Variants in RUNDC3B observed in about 807,000 individuals in gnomAD.
RUNDC3B encodes the protein RUN domain containing 3B.
Under a neutral mutation model 58.4 loss-of-function variants are expected in RUNDC3B, and 33 were observed. The observed-to-expected ratio is 0.56, with a 90% CI of 0.43 to 0.75. RUNDC3B has a LOEUF of 0.75. Among genes scored for constraint, RUNDC3B ranks in the 30% least tolerant of loss-of-function variants. RUNDC3B has a pLI of 0.00. For missense variants in RUNDC3B, 501 were observed against 535.7 expected, an observed-to-expected ratio of 0.94 and a Z score of 0.64; for synonymous variants, 193 against 195.2, an observed-to-expected ratio of 0.99 and a Z score of 0.10.
At chr7:87,757,822 G>A (rs1833456040) in intron 6 of RUNDC3B, among the ~76,000 whole-genome samples, 1 of 152,038 alleles carries the variant, frequency 6.6e-6, no homozygotes, top group South Asian at 2.1e-4. Context: ...CAGACCAATG[G>A]AACAGAATAG....
At chr7:87,796,591 T>C (rs1266299927) in intron 8 of RUNDC3B, among the ~76,000 whole-genome samples, 1 of 152,116 alleles carries the variant, frequency 6.6e-6, no homozygotes, top group Non-Finnish European at 1.5e-5. Flanking sequence ...ATCTACTCTG[T>C]ACCAACAAAA....
At chr7:87,741,198 C>G (rs778368905) in intron 5 of RUNDC3B, among the ~76,000 whole-genome samples, 13 of 150,776 alleles carry the variant, frequency 8.6e-5, no homozygotes, top group Admixed American at 2.6e-4. Context: ...GAGCAAGACT[C>G]CCTCTCAAAA....
chr7:87,653,982 A>G (rs1188952044), intron 2 of RUNDC3B, among the ~76,000 whole-genome samples: 2 of 152,046 alleles, frequency 1.3e-5, no homozygotes, highest in African/African-American at 4.8e-5. Flanking sequence ...ATTGAACTAT[A>G]GCTTATATTT....
intron 6 of RUNDC3B, among the ~76,000 whole-genome samples, chr7:87,760,114 C>T (rs1250361678): frequency 3.3e-5 from 5 of 149,708 alleles, no homozygotes; most frequent in African/African-American, 1.2e-4. Context: ...TTCACACTTA[C>T]TGATTCATAA....
At chr7:87,697,070 G>T (rs983053149) in intron 2 of RUNDC3B, among the ~76,000 whole-genome samples, 3 of 152,140 alleles carry the variant, frequency 2.0e-5, no homozygotes, top group Non-Finnish European at 4.4e-5. Context: ...CTAAAGAGAA[G>T]ATTTAAAATA....
intron 6 of RUNDC3B, among the ~76,000 whole-genome samples, chr7:87,760,167 A>T (rs561553023): frequency 6.6e-6 from 1 of 151,748 alleles, no homozygotes; most frequent in Non-Finnish European, 1.5e-5. Flanking sequence ...ACACATACCT[A>T]GTTCTTTAGT....
At chr7:87,656,059 C>G (rs1219704457) in intron 2 of RUNDC3B, among the ~76,000 whole-genome samples, 1 of 151,966 alleles carries the variant, frequency 6.6e-6, no homozygotes, top group Non-Finnish European at 1.5e-5. Context: ...TTCCCAGCCT[C>G]TAGAACTATG....
At chr7:87,793,591 A>G (rs1835646382) in intron 8 of RUNDC3B, among the ~76,000 whole-genome samples, 2 of 152,200 alleles carry the variant, frequency 1.3e-5, no homozygotes, top group African/African-American at 4.8e-5. Context: ...GATCATTTCA[A>G]TCATTGCTGA....
At chr7:87,784,086 C>T (rs1444253158) in intron 8 of RUNDC3B, among the ~76,000 whole-genome samples, 1 of 152,122 alleles carries the variant, frequency 6.6e-6, no homozygotes, top group Non-Finnish European at 1.5e-5. Context: ...TCCAGAAGTT[C>T]ACTTTAGTTC....
chr7:87,639,651 C>G (rs1228538534), intron 1 of RUNDC3B, among the ~76,000 whole-genome samples: 2 of 152,100 alleles, frequency 1.3e-5, no homozygotes, highest in African/African-American at 4.8e-5. Flanking sequence ...CTCATTATCT[C>G]TAATAATGCT....
chr7:87,783,683 A>G (rs1835060543), intron 8 of RUNDC3B, among the ~76,000 whole-genome samples: 1 of 152,160 alleles, frequency 6.6e-6, no homozygotes, highest in Non-Finnish European at 1.5e-5. Context: ...GATCTCTTGC[A>G]AGGCTGGTCT....
At chr7:87,702,225 A>G (rs1829148895) in intron 3 of RUNDC3B, among the ~76,000 whole-genome samples, 1 of 149,790 alleles carries the variant, frequency 6.7e-6, no homozygotes, top group African/African-American at 2.5e-5. Context: ...TATTTTTCAT[A>G]AAAATGTGTT....
intron 8 of RUNDC3B, among the ~76,000 whole-genome samples, chr7:87,796,348 G>T (rs1343848036): frequency 6.6e-6 from 1 of 152,126 alleles, no homozygotes; most frequent in Non-Finnish European, 1.5e-5. Context: ...AGTAGGGATG[G>T]TTAATGGGTA....
chr7:87,705,441 C>T (rs78854352), intron 3 of RUNDC3B, among the ~76,000 whole-genome samples: 7,366 of 152,016 alleles, frequency 0.048, 268 homozygotes, highest in East Asian at 0.097. Context: ...ACAAACAAAA[C>T]AACAACAACA....
chr7:87,681,004 A>G lies in RUNDC3B; in HGVS notation c.239-19417A>G, dbSNP rs141284911. ...TGGTTAGGCTGATCAAGAAAATGAG[A>G]AAGGATACAAATTTCCAATATCAGG... is the stretch of plus-strand genomic sequence containing the variant. On this transcript the variant is annotated intron_variant, in intron 2 of 10. Transcript: ENST00000394654. 2.2e-3 allele frequency among the ~76,000 whole-genome samples: 328 copies of G among 150,624 alleles called. 34 individuals are homozygous for G. Among genetic ancestry groups the G allele is most frequent in the African/African-American group, 7.3e-3 (299 of 40,684 alleles).
intron 2 of RUNDC3B, among the ~76,000 whole-genome samples, chr7:87,687,566 G>T (rs1827594152): frequency 6.6e-6 from 1 of 152,042 alleles, no homozygotes; most frequent in African/African-American, 2.4e-5. Flanking sequence ...CATCTGTTTT[G>T]TTCATTGGTG....
Position 87,770,592 on chromosome 7 carries a change from T to C in RUNDC3B, c.641T>C (p.Ile214Thr), listed in dbSNP as rs1193670323. Residue 214 changes from isoleucine to threonine, a missense_variant, in exon 7 of 11, where the codon ATC becomes ACC. Transcript: ENST00000394654. The part of the protein sequence containing the change: ...YLKYIQSSDS[I>T]SSDEEELRTL... Reference sequence around the variant, plus strand: ...TTTGATCTTCCCAGTTCTGATAGTATCAGCAGTGATGAGGAGGAGCTAAGG... The same window carrying C: ...TTTGATCTTCCCAGTTCTGATAGTACCAGCAGTGATGAGGAGGAGCTAAGG... 6.2e-7 allele frequency: 1 copy of C among 1,613,136 alleles called. No homozygotes were observed. The highest frequency in any genetic ancestry group is 8.5e-7 in the Non-Finnish European group (1 of 1,179,362).
chr7:87,722,144 T>C (rs1830939694), intron 4 of RUNDC3B, among the ~76,000 whole-genome samples: 1 of 152,122 alleles, frequency 6.6e-6, no homozygotes, highest in African/African-American at 2.4e-5. Context: ...ATATTCATCA[T>C]TTAATGATTA....
At chr7:87,819,038 C>G (rs147512250) in intron 10 of RUNDC3B, among the ~76,000 whole-genome samples, 1 of 152,098 alleles carries the variant, frequency 6.6e-6, no homozygotes, top group East Asian at 1.9e-4. Flanking sequence ...CCTGACCCAG[C>G]GACAGATGCA....
Sources: gnomAD v4.1 joint callset for allele counts (sites outside exome capture counted in the v4.1 genomes callset) on GRCh38, gnomAD v4.1.1 for gene constraint, MANE v1.5 for transcripts, NCBI Gene and HGNC (gene_info 2026-07-23, HGNC 2026-07-21) for gene names.